The following KANK1 variants were observed in gnomAD, a reference collection of about 807,000 sequenced individuals.
The protein encoded by KANK1 is KN motif and ankyrin repeat domain-containing protein 1.
Under a neutral mutation model 106.2 loss-of-function variants are expected in KANK1, and 109 were observed. The observed-to-expected ratio is 1.03, with a 90% CI of 0.88 to 1.20. The LOEUF is 1.20. Ranked by LOEUF, KANK1 falls within the 50% of genes most tolerant of loss-of-function variation. The pLI, the probability that KANK1 is intolerant of heterozygous loss-of-function variation, is 0.00. For synonymous variants in KANK1, 873 were observed against 652.2 expected (o/e 1.34, Z -5.16); for missense variants, 2,399 against 1,710.7 (o/e 1.40, Z -7.10).
chr9:558,961 C>T (rs1440346219), intron 1 of KANK1: 2 of 152,136 alleles, frequency 1.3e-5, no homozygotes, highest in South Asian at 4.1e-4. Flanking sequence ...TTCTCTCCAC[C>T]TGTGCGCAAA....
At chr9:617,122 TC>T (rs1434107371) in intron 1 of KANK1, among the ~76,000 whole-genome samples, 5 of 152,206 alleles carry the variant, frequency 3.3e-5, no homozygotes, top group Non-Finnish European at 5.9e-5. Context: ...GATTTTTTTT[TC>T]ATTCTTGCAA....
chr9:671,287 G>A (rs979040288), intron 1 of KANK1, among the ~76,000 whole-genome samples: 1 of 151,062 alleles, frequency 6.6e-6, no homozygotes. Flanking sequence ...TGAAACAGTT[G>A]ACATTCATAT....
intron 2 of KANK1, among the ~76,000 whole-genome samples, chr9:698,609 T>C (rs1821891830): frequency 6.6e-6 from 1 of 152,154 alleles, no homozygotes; most frequent in Non-Finnish European, 1.5e-5. Flanking sequence ...CTCCGAAGTA[T>C]TAGGGGCAGA....
chr9:677,054 C>T, intron 2 of KANK1, 45 bp downstream of exon 2: 1 of 1,558,032 alleles, frequency 6.4e-7, no homozygotes, highest in African/African-American at 1.4e-5. Flanking sequence ...TATGTCTTTT[C>T]TCAAACTAAT....
chr9:550,605 T>C (rs943406669), intron 1 of KANK1, among the ~76,000 whole-genome samples: 1 of 152,212 alleles, frequency 6.6e-6, no homozygotes, highest in African/African-American at 2.4e-5. Context: ...AGACCCTGTC[T>C]CTAATAAAAC....
chr9:685,325 G>C (rs1322248579), intron 2 of KANK1, among the ~76,000 whole-genome samples: 6 of 152,086 alleles, frequency 3.9e-5, no homozygotes, highest in African/African-American at 1.4e-4. Context: ...AATATATATA[G>C]TGACCAGATT....
chr9:618,876 A>G (rs545573144), intron 1 of KANK1, among the ~76,000 whole-genome samples: 89 of 152,314 alleles, frequency 5.8e-4, no homozygotes, highest in African/African-American at 2.1e-3. Flanking sequence ...TTATTAATCC[A>G]TGGCTCCTCA....
intron 1 of KANK1, among the ~76,000 whole-genome samples, chr9:655,519 AC>A (rs1489935466): frequency 6.6e-6 from 1 of 152,160 alleles, no homozygotes; most frequent in Non-Finnish European, 1.5e-5. Context: ...CATACAAATC[AC>A]CTGGGGGTCT....
chr9:636,851 G>A (rs548822635), intron 1 of KANK1, among the ~76,000 whole-genome samples: 51 of 152,270 alleles, frequency 3.3e-4, no homozygotes, highest in African/African-American at 1.1e-3. Context: ...GCGACAGCGC[G>A]AGACTCCGTC....
intron 1 of KANK1, among the ~76,000 whole-genome samples, chr9:600,194 A>G (rs1275866205): frequency 1.3e-5 from 2 of 150,740 alleles, no homozygotes; most frequent in South Asian, 2.1e-4. Context: ...TTATACAACA[A>G]CTCCCCACCC....
chr9:541,789 C>G (rs1279573187), intron 1 of KANK1, among the ~76,000 whole-genome samples: 1 of 151,892 alleles, frequency 6.6e-6, no homozygotes, highest in Non-Finnish European at 1.5e-5. Context: ...AATAAATAAC[C>G]GGATTAAAAA....
At chr9:552,082 AG>A (rs1217958850) in intron 1 of KANK1, among the ~76,000 whole-genome samples, 2 of 152,114 alleles carry the variant, frequency 1.3e-5, no homozygotes, top group African/African-American at 2.4e-5. Context: ...AGCATGTAAC[AG>A]TAGGATCTAA....
intron 3 of KANK1, among the ~76,000 whole-genome samples, chr9:489,703 C>G (rs1362407922): frequency 6.6e-6 from 1 of 151,936 alleles, no homozygotes; most frequent in African/African-American, 2.4e-5. Flanking sequence ...ATGCCCAGCA[C>G]TTAGCAGGCA....
intron 1 of KANK1, among the ~76,000 whole-genome samples, chr9:650,937 C>T (rs1840752045): frequency 6.6e-6 from 1 of 152,098 alleles, no homozygotes. Flanking sequence ...AGGAGAGTTG[C>T]ATTTCCTCCT....
At chr9:600,051 G>A (rs1020050428) in intron 1 of KANK1, among the ~76,000 whole-genome samples, 5 of 151,534 alleles carry the variant, frequency 3.3e-5, no homozygotes, top group African/African-American at 1.2e-4. Flanking sequence ...TTTTGTGTTA[G>A]GCATAACACA....
At chr9:605,123 G>A (rs1440979585) in intron 1 of KANK1, among the ~76,000 whole-genome samples, 1 of 151,410 alleles carries the variant, frequency 6.6e-6, no homozygotes. Context: ...CCAACATGAT[G>A]AAACCTGTCT....
chr9:579,204 C>T (rs1821382804), intron 1 of KANK1, among the ~76,000 whole-genome samples: 1 of 151,958 alleles, frequency 6.6e-6, no homozygotes, highest in African/African-American at 2.4e-5. Context: ...CCCCGACCCA[C>T]CCACCCTGGG....
At chr9:683,211 A>C (rs1050581395) in intron 2 of KANK1, among the ~76,000 whole-genome samples, 15 of 152,144 alleles carry the variant, frequency 9.9e-5, no homozygotes, top group African/African-American at 3.6e-4. Context: ...ATTCATGGGT[A>C]CCCTCCGTGA....
At position 745,446 on chromosome 9, in the gene KANK1, A is replaced by T; in HGVS notation, c.*211A>T. ...TTTCTGGCCGTCTTCTGTGTAGGGC[A>T]CACTTTAACCCAGTCTCTGTTGCTG... On this transcript the variant is annotated 3_prime_UTR_variant, in exon 12 of 12. Transcript: ENST00000382297. 1.9e-6 allele frequency: 1 copy of T among 528,172 alleles called. No homozygotes were observed. The highest frequency in any genetic ancestry group is 3.3e-5 in the Admixed American group (1 of 30,554). The allele number at this position is 528,172 out of a possible 1,614,324, so 32.7% of individuals were successfully genotyped here. A position where few individuals can be genotyped will look rare whatever the true frequency, so the allele number is the denominator to read the frequency against.
Sources: allele counts gnomAD v4.1 joint callset (sites outside exome capture counted in the v4.1 genomes callset), GRCh38; gene constraint gnomAD v4.1.1; transcripts MANE v1.5; gene names NCBI Gene and HGNC (gene_info 2026-07-23, HGNC 2026-07-21).